TENM2: variants seen among roughly 807,000 people sequenced by gnomAD.
TENM2 encodes teneurin transmembrane protein 2, also known as teneurin-2.
A neutral mutation model predicts 245.2 loss-of-function variants in TENM2; 52 were observed. That is an observed-to-expected ratio of 0.21 (90% CI 0.17 to 0.27). TENM2 has a LOEUF of 0.27. Ranked by LOEUF, TENM2 falls within the 10% of genes least tolerant of loss-of-function variation. TENM2 has a pLI of 1.00. For missense variants in TENM2, 3,046 were observed against 3,666.8 expected, an observed-to-expected ratio of 0.83 and a Z score of 4.37; for synonymous variants, 1,363 against 1,438.9, an observed-to-expected ratio of 0.95 and a Z score of 1.19.
intron 2 of TENM2, among the ~76,000 whole-genome samples, chr5:167,386,677 G>A (rs1761449517): frequency 1.3e-5 from 2 of 152,092 alleles, no homozygotes; most frequent in African/African-American, 4.8e-5. Context: ...TCCATCTTGA[G>A]ATGATTTTGT....
intron 2 of TENM2, among the ~76,000 whole-genome samples, chr5:167,676,785 A>G (rs1006415289): frequency 6.6e-6 from 1 of 152,144 alleles, no homozygotes; most frequent in African/African-American, 2.4e-5. Flanking sequence ...TGTTGGAACA[A>G]TGCTTCCTAG....
At chr5:168,262,134 A>G (rs1768246605) in exon 29 of TENM2, 2 of 1,613,952 alleles carry the variant, frequency 1.2e-6, no homozygotes, top group Non-Finnish European at 1.7e-6. Flanking sequence ...AAAAAGCTCC[A>G]CGCCAGCATC....
chr5:167,730,658 G>A (rs988299603), intron 2 of TENM2, among the ~76,000 whole-genome samples: 3 of 152,150 alleles, frequency 2.0e-5, no homozygotes, highest in African/African-American at 4.8e-5. Flanking sequence ...AGATGTTTTG[G>A]GTTTGTTCTG....
At chr5:167,623,520 G>A (rs1778307836) in intron 2 of TENM2, among the ~76,000 whole-genome samples, 1 of 152,104 alleles carries the variant, frequency 6.6e-6, no homozygotes, top group Non-Finnish European at 1.5e-5. Flanking sequence ...CAGCCAACAG[G>A]ATTTTGTTTA....
Position 167,459,964 on chromosome 5 carries a change from C to T in TENM2, c.502+84491C>T, listed in dbSNP as rs147121633. Among the ~76,000 whole-genome samples, 65 of 151,728 alleles carry T rather than the reference C, an allele frequency of 4.3e-4. No individual in the cohort carries two copies. In the East Asian group the frequency reaches 9.9e-3, roughly 23 times the overall value. ...CACACACACACAACACACACTCAAA[C>T]GCATATATATATACAAACATCAAAT... On this transcript the variant is annotated intron_variant, in intron 2 of 28. Transcript: ENST00000518659.
At chr5:167,637,220 A>G (rs1779258240) in intron 2 of TENM2, among the ~76,000 whole-genome samples, 1 of 152,220 alleles carries the variant, frequency 6.6e-6, no homozygotes, top group African/African-American at 2.4e-5. Context: ...TTAATTGACA[A>G]GAAATAATAT....
intron 2 of TENM2, among the ~76,000 whole-genome samples, chr5:167,576,262 A>T (rs1774677161): frequency 6.6e-6 from 1 of 151,730 alleles, no homozygotes; most frequent in Non-Finnish European, 1.5e-5. Flanking sequence ...TACTCAAACT[A>T]TTTGATTCAT....
chr5:167,923,611 T>C (rs1263446057), intron 3 of TENM2, among the ~76,000 whole-genome samples: 1 of 152,214 alleles, frequency 6.6e-6, no homozygotes, highest in African/African-American at 2.4e-5. Context: ...ATGTCTGGTC[T>C]GCATGGTAAA....
chr5:167,212,762 A>G, the TENM2 span, among the ~76,000 whole-genome samples: 2 of 152,332 alleles, frequency 1.3e-5, no homozygotes, highest in Middle Eastern at 3.4e-3. Flanking sequence ...GAAGAATTAG[A>G]TCAATATTTC....
the TENM2 span, among the ~76,000 whole-genome samples, chr5:167,214,459 A>AT: frequency 1.3e-5 from 2 of 152,122 alleles, no homozygotes; most frequent in Non-Finnish European, 2.9e-5. Flanking sequence ...ACCTTCCTGC[A>AT]TTTTTTGGTA....
At chr5:167,417,240 C>T (rs1763218082) in intron 2 of TENM2, among the ~76,000 whole-genome samples, 2 of 152,048 alleles carry the variant, frequency 1.3e-5, no homozygotes, top group Non-Finnish European at 2.9e-5. Context: ...ATTTTTGACT[C>T]TCCTCCTTCA....
At chr5:167,485,027 C>T (rs1767975649) in intron 2 of TENM2, among the ~76,000 whole-genome samples, 1 of 152,130 alleles carries the variant, frequency 6.6e-6, no homozygotes. Context: ...TATTCTGTAG[C>T]CCAGAATTCA....
intron 1 of TENM2, among the ~76,000 whole-genome samples, chr5:167,362,944 C>A (rs1759803076): frequency 6.6e-6 from 1 of 152,002 alleles, no homozygotes; most frequent in Non-Finnish European, 1.5e-5. Context: ...TTGTTACACA[C>A]ACCTACACAC....
chr5:167,913,813 C>T (rs1776726506), intron 3 of TENM2, among the ~76,000 whole-genome samples: 1 of 152,184 alleles, frequency 6.6e-6, no homozygotes, highest in Admixed American at 6.5e-5. Flanking sequence ...CACAACTGAC[C>T]AGCTTTGTAA....
At chr5:167,384,418 T>G (rs993957221) in intron 2 of TENM2, among the ~76,000 whole-genome samples, 12 of 151,416 alleles carry the variant, frequency 7.9e-5, no homozygotes, top group African/African-American at 2.9e-4. Flanking sequence ...GAATGGGAGG[T>G]GAGGTGAAGA....
chr5:168,117,413 C>T (rs571415383), intron 9 of TENM2, among the ~76,000 whole-genome samples: 1 of 152,300 alleles, frequency 6.6e-6, no homozygotes, highest in Admixed American at 6.5e-5. Context: ...GTACCTGAAA[C>T]CACAAATGGT....
At chr5:167,702,610 C>T (rs1403517137) in intron 2 of TENM2, among the ~76,000 whole-genome samples, 2 of 146,344 alleles carry the variant, frequency 1.4e-5, no homozygotes, top group East Asian at 2.0e-4. Context: ...TAAAAGTTTT[C>T]CCAAGAACTG....
intron 13 of TENM2, among the ~76,000 whole-genome samples, chr5:168,185,683 C>T (rs1356170600): frequency 2.6e-5 from 4 of 151,742 alleles, no homozygotes; most frequent in Non-Finnish European, 5.9e-5. Flanking sequence ...CAATCTATAG[C>T]ATTTGTTATT....
intron 2 of TENM2, among the ~76,000 whole-genome samples, chr5:167,786,095 T>C (rs1350446271): frequency 6.6e-6 from 1 of 152,186 alleles, no homozygotes. Context: ...CCCAATCTTT[T>C]CACATTTTTT....
Sources: allele counts gnomAD v4.1 joint callset (sites outside exome capture counted in the v4.1 genomes callset), GRCh38; gene constraint gnomAD v4.1.1; transcripts MANE v1.5; gene names NCBI Gene and HGNC (gene_info 2026-07-23, HGNC 2026-07-21).